Variants in TTC7B observed in about 807,000 individuals in gnomAD.
TTC7B encodes the protein tetratricopeptide repeat domain 7B, also known as tetratricopeptide repeat protein 7B.
Under a neutral mutation model 106.8 loss-of-function variants are expected in TTC7B, and 28 were observed. The observed-to-expected ratio is 0.26, with a 90% confidence interval of 0.19 to 0.36. The LOEUF is 0.36. Among genes scored for constraint, TTC7B ranks in the 10% least tolerant of loss-of-function variants. The pLI is 1.00. For missense variants in TTC7B, 862 were observed against 1,076.4 expected (o/e 0.80, Z 2.79); for synonymous variants, 405 against 430.6 (o/e 0.94, Z 0.74).
At chr14:90,591,587 C>T (rs897396308) in intron 18 of TTC7B, among the ~76,000 whole-genome samples, 1 of 152,192 alleles carries the variant, frequency 6.6e-6, no homozygotes, top group African/African-American at 2.4e-5. Context: ...CCTTCGAGGT[C>T]AGGGGGGCTA....
chr14:90,607,693 C>A (rs1427944176), intron 17 of TTC7B, among the ~76,000 whole-genome samples: 2 of 152,114 alleles, frequency 1.3e-5, no homozygotes, highest in African/African-American at 4.8e-5. Flanking sequence ...GGATAAGAAT[C>A]CAGAATGTAA....
intron 3 of TTC7B, chr14:90,767,027 C>CAAA: frequency 9.6e-6 from 6 of 625,978 alleles, no homozygotes; most frequent in South Asian, 2.9e-5. Flanking sequence ...AGTTTATATA[C>CAAA]CAAAAAAAAA....
At position 90,600,811 on chromosome 14, in the gene TTC7B, G is replaced by A. The variant is rs1444326756; in HGVS notation, c.1967-7185C>T. On this transcript the variant is annotated intron_variant, in intron 17 of 19. Coordinates refer to ENST00000328459, the MANE Select transcript of TTC7B (RefSeq NM_001010854.2). The surrounding 1 kb of genome is among the most constrained non-coding windows in gnomAD (Gnocchi z 4.3). ...CCAGCTGTCAGAGCGAGCCGCTGCC[G>A]GTGGCTCTGCGCTAGAGACAGTACC... Among the ~76,000 whole-genome samples the A allele has an allele frequency of 3.9e-5, 6 of 152,206 alleles. No individual in the cohort carries two copies. The highest frequency in any genetic ancestry group is 1.4e-4 in the African/African-American group (6 of 41,460).
intron 18 of TTC7B, among the ~76,000 whole-genome samples, chr14:90,589,931 T>C (rs960621679): frequency 6.6e-6 from 1 of 152,246 alleles, no homozygotes; most frequent in East Asian, 1.9e-4. Flanking sequence ...ACAGTAGACA[T>C]ACTCTGTAGC....
intron 5 of TTC7B, among the ~76,000 whole-genome samples, chr14:90,707,107 A>T (rs1426335266): frequency 6.6e-6 from 1 of 152,250 alleles, no homozygotes; most frequent in East Asian, 1.9e-4. Context: ...GAATTAGAAC[A>T]TTCCATAACT....
intron 9 of TTC7B, among the ~76,000 whole-genome samples, chr14:90,672,457 G>A (rs1415078737): frequency 6.6e-6 from 1 of 152,130 alleles, no homozygotes; most frequent in African/African-American, 2.4e-5. Flanking sequence ...ACTTCTCCAT[G>A]AGAGCAAGCC....
intron 5 of TTC7B, 83 bp downstream of exon 5, chr14:90,729,989 TATA>T: frequency 1.5e-6 from 2 of 1,352,108 alleles, no homozygotes; most frequent in Admixed American, 2.6e-5. Flanking sequence ...ATTCCTTTAT[TATA>T]ATAACTAAAC....
chr14:90,598,466 G>A (rs1295792833), intron 17 of TTC7B, among the ~76,000 whole-genome samples: 1 of 152,192 alleles, frequency 6.6e-6, no homozygotes, highest in East Asian at 1.9e-4. Flanking sequence ...ATGCATGGGG[G>A]TAAGGAGGGG....
rs552715470 is a variant in TTC7B, at chr14:90,720,402, G to C, written c.698+9673C>G. ...CTCTCTGACAGCAAAAGCCTGTCTGGCTGCTCACCATTTTATCCCCAGCAC... is the reference window on the plus strand; with the variant it reads ...CTCTCTGACAGCAAAAGCCTGTCTGCCTGCTCACCATTTTATCCCCAGCAC... On this transcript the variant is annotated intron_variant, in intron 5 of 19. Transcript: ENST00000328459. Among the ~76,000 whole-genome samples, 3 of 152,288 alleles carry C rather than the reference G, an allele frequency of 2.0e-5. No homozygotes were observed. In the East Asian group the frequency reaches 5.8e-4, roughly 29 times the overall value.
rs974815422 is a variant in TTC7B at position 90,539,963 on chromosome 14, T to G, written c.*1405A>C. ...CTCACTCCTGACCCTCTGTGGCCCA[T>G]GAGTGCAGGAGGCTGCTTGGGCAGG... On this transcript the variant is annotated 3_prime_UTR_variant, in exon 20 of 20. Coordinates refer to ENST00000328459, the MANE Select transcript of TTC7B (RefSeq NM_001010854.2). 6.6e-6 allele frequency: 1 copy of G among 152,272 alleles called. No individual in the cohort carries two copies. Among genetic ancestry groups the G allele is most frequent in the African/African-American group, 2.4e-5 (1 of 41,460 alleles). 9.4% of individuals were successfully genotyped at this position (152,272 alleles called of 1,614,324 possible).
Position 90,600,630 on chromosome 14 carries a change from C to T in TTC7B, c.1967-7004G>A, listed in dbSNP as rs1796752333. Among the ~76,000 whole-genome samples, 1 of 152,332 alleles carries T rather than the reference C, an allele frequency of 6.6e-6. No individual in the cohort carries two copies. Among genetic ancestry groups the T allele is most frequent in the Middle Eastern group, 3.4e-3 (1 of 294 alleles). ...TGTCCTGAAAGGGGGAAGCTCTTTC[C>T]AGGGAAGGACCCCAGTAAGGCAGGG... On this transcript the variant is annotated intron_variant, in intron 17 of 19. Transcript: ENST00000328459. This position sits in a 1 kb window ranked among gnomAD's most constrained non-coding sequence, Gnocchi z 4.3.
intron 2 of TTC7B, among the ~76,000 whole-genome samples, chr14:90,784,679 C>A (rs867482796): frequency 6.6e-6 from 1 of 152,110 alleles, no homozygotes; most frequent in East Asian, 1.9e-4. Context: ...ATGGCCCTTA[C>A]AGAGAAACTG....
Position 90,663,001 on chromosome 14 carries a change from G to C in TTC7B, c.1153-4614C>G, listed in dbSNP as rs1487786479. Among the ~76,000 whole-genome samples, 1 of 152,172 alleles carries C rather than the reference G, an allele frequency of 6.6e-6. No individual in the cohort carries two copies. Among genetic ancestry groups the C allele is most frequent in the African/African-American group, 2.4e-5 (1 of 41,444 alleles). ...ATTCAATCTGAGACCCTTGAGAAGA[G>C]GGCACAACTTTACAGAACTGGACCG... On this transcript the variant is annotated intron_variant, in intron 9 of 19. Transcript: ENST00000328459. The surrounding 1 kb of genome is among the most constrained non-coding windows in gnomAD (Gnocchi z 4.5).
intron 9 of TTC7B, among the ~76,000 whole-genome samples, chr14:90,667,629 G>T (rs1041750170): frequency 6.6e-6 from 1 of 152,022 alleles, no homozygotes; most frequent in Non-Finnish European, 1.5e-5. Flanking sequence ...GTTTTCTCTC[G>T]TTATACCTAC....
Position 90,577,986 on chromosome 14 carries a change from C to T in TTC7B, c.2310+120G>A. 7.9e-7 allele frequency: 1 copy of T among 1,258,356 alleles called. No homozygotes were observed. Among genetic ancestry groups the T allele is most frequent in the Non-Finnish European group, 1.1e-6 (1 of 909,544 alleles). The allele number at this position is 1,258,356 out of a possible 1,614,324, so 77.9% of individuals were successfully genotyped here. ...GGCTTCAGGCCATGTGACAGCCTGGCAAGCTAACTGCATGGGGCCTTTGGA... is the reference window on the plus strand; with the variant it reads ...GGCTTCAGGCCATGTGACAGCCTGGTAAGCTAACTGCATGGGGCCTTTGGA... On this transcript the variant is annotated intron_variant, in intron 19 of 19. Coordinates refer to ENST00000328459, the MANE Select transcript of TTC7B (RefSeq NM_001010854.2). The surrounding 1 kb of genome is among the most constrained non-coding windows in gnomAD (Gnocchi z 5.0).
chr14:90,547,279 TGA>T (rs1484785078), intron 19 of TTC7B, among the ~76,000 whole-genome samples: 1 of 152,208 alleles, frequency 6.6e-6, no homozygotes, highest in Non-Finnish European at 1.5e-5. Flanking sequence ...TTATTTCAAA[TGA>T]GATAAAATGG....
intron 3 of TTC7B, among the ~76,000 whole-genome samples, chr14:90,762,122 C>T (rs957338883): frequency 3.3e-5 from 5 of 152,154 alleles, no homozygotes; most frequent in African/African-American, 1.2e-4. Context: ...GTTAAGAGCC[C>T]AGAAGCTGGG....
intron 3 of TTC7B, among the ~76,000 whole-genome samples, chr14:90,760,474 T>C (rs1289024214): frequency 1.3e-5 from 2 of 152,218 alleles, no homozygotes; most frequent in African/African-American, 4.8e-5. Flanking sequence ...TATCTCAACA[T>C]GATACATTTA....
intron 17 of TTC7B, among the ~76,000 whole-genome samples, chr14:90,603,579 G>A (rs970856065): frequency 6.6e-6 from 1 of 152,106 alleles, no homozygotes; most frequent in Non-Finnish European, 1.5e-5. Flanking sequence ...TGTTTCCAGA[G>A]CAGGAAATTC....
Sources: gnomAD v4.1 joint callset for allele counts (sites outside exome capture counted in the v4.1 genomes callset) on GRCh38, gnomAD v4.1.1 for gene constraint, Gnocchi (gnomAD v3.1) non-coding constraint, MANE v1.5 for transcripts, NCBI Gene and HGNC (gene_info 2026-07-23, HGNC 2026-07-21) for gene names.